GALNT13: variants seen among roughly 807,000 people sequenced by gnomAD.
The protein encoded by GALNT13 is polypeptide N-acetylgalactosaminyltransferase 13, also known as UDP-GalNAc:polypeptide N-acetylgalactosaminyltransferase 13.
A neutral mutation model predicts 64.2 loss-of-function variants in GALNT13; 28 were observed. That is an observed-to-expected ratio of 0.44 (90% CI 0.32 to 0.60). GALNT13 has a LOEUF of 0.60. GALNT13 is among the 20% of genes least tolerant of loss of function. The pLI, the probability that GALNT13 is intolerant of heterozygous loss-of-function variation, is 0.05. For synonymous variants in GALNT13, 214 were observed against 224.6 expected, an observed-to-expected ratio of 0.95 and a Z score of 0.42; for missense variants, 577 against 669.8, an observed-to-expected ratio of 0.86 and a Z score of 1.53.
Position 154,140,362 on chromosome 2 carries a change from G to A in GALNT13, c.168G>A (p.Gly56=), listed in dbSNP as rs199518809. Residue 56 remains glycine (G), a synonymous_variant, in exon 4 of 13, where the codon GGG becomes GGA. Transcript: ENST00000392825. ...CTGTTATTTCAAGAAACCAAGAAGG[G>A]CCAGGAGAAATGGGAAAAGCTGTGT... The part of the protein sequence containing the change: ...LRAVISRNQE[G]PGEMGKAVLI... 1.2e-6 allele frequency: 2 copies of A among 1,612,886 alleles called. No homozygotes were observed. Among genetic ancestry groups the A allele is most frequent in the East Asian group, 2.2e-5 (1 of 44,768 alleles).
At chr2:153,374,057 A>C in the GALNT13 span, among the ~76,000 whole-genome samples, 1 of 152,216 alleles carries the variant, frequency 6.6e-6, no homozygotes, top group Non-Finnish European at 1.5e-5. Flanking sequence ...AGTTGTGAAT[A>C]ACACTGTTTA....
rs116285639 is a variant in GALNT13 at position 154,260,298 on chromosome 2, C to T, written c.975+1160C>T. Reference sequence around the variant, plus strand: ...GTTTAAAAATTATGCCTTTTAATTTCTCATTTCAAAAGTAAAGTTTGTTTT... The same window carrying T: ...GTTTAAAAATTATGCCTTTTAATTTTTCATTTCAAAAGTAAAGTTTGTTTT... On this transcript the variant is annotated intron_variant, in intron 8 of 12. Coordinates refer to ENST00000392825, the MANE Select transcript of GALNT13 (RefSeq NM_052917.4). 7.6e-3 allele frequency among the ~76,000 whole-genome samples: 1,150 copies of T among 152,172 alleles called. 18 individuals are homozygous for T. The highest frequency in any genetic ancestry group is 0.025 in the African/African-American group (1,049 of 41,538).
chr2:154,300,099 C>CT (rs368475927), intron 8 of GALNT13, among the ~76,000 whole-genome samples: 28,812 of 116,908 alleles, frequency 0.25, 4,193 homozygotes, highest in Middle Eastern at 0.34. Flanking sequence ...TTCTTTCTCT[C>CT]TTTTTTTTTT....
chr2:153,366,085 T>C, the GALNT13 span, among the ~76,000 whole-genome samples: 1 of 152,136 alleles, frequency 6.6e-6, no homozygotes, highest in East Asian at 1.9e-4. Flanking sequence ...GGTCATGTCC[T>C]TTGCAGGTAC....
At chr2:153,212,293 A>C in the GALNT13 span, among the ~76,000 whole-genome samples, 1 of 152,198 alleles carries the variant, frequency 6.6e-6, no homozygotes, top group African/African-American at 2.4e-5. Flanking sequence ...AAAATCCTCT[A>C]ATGCCAGCTT....
chr2:154,058,110 A>G (rs532159810), intron 3 of GALNT13, among the ~76,000 whole-genome samples: 37 of 152,142 alleles, frequency 2.4e-4, no homozygotes, highest in Non-Finnish European at 5.0e-4. Flanking sequence ...GTTAAATGAG[A>G]TTATAAGTGT....
the GALNT13 span, among the ~76,000 whole-genome samples, chr2:153,144,311 C>G: frequency 6.6e-6 from 1 of 151,954 alleles, no homozygotes; most frequent in Admixed American, 6.6e-5. Flanking sequence ...GCTGTGTAAG[C>G]TCAGGAAATT....
At chr2:153,250,686 A>G in the GALNT13 span, among the ~76,000 whole-genome samples, 2 of 152,196 alleles carry the variant, frequency 1.3e-5, no homozygotes, top group Admixed American at 1.3e-4. Flanking sequence ...ATACACCATG[A>G]AATATTATAC....
At chr2:153,760,999 T>TA in the GALNT13 span, among the ~76,000 whole-genome samples, 1 of 152,152 alleles carries the variant, frequency 6.6e-6, no homozygotes, top group African/African-American at 2.4e-5. Context: ...TATCTTTTTT[T>TA]ACTGTGTTTG....
chr2:153,273,916 A>C, the GALNT13 span, among the ~76,000 whole-genome samples: 2 of 152,210 alleles, frequency 1.3e-5, no homozygotes, highest in African/African-American at 4.8e-5. Flanking sequence ...AAATGTCAGA[A>C]ATATTTTCCT....
intron 9 of GALNT13, among the ~76,000 whole-genome samples, chr2:154,319,274 G>A (rs1694493187): frequency 6.6e-6 from 1 of 152,114 alleles, no homozygotes; most frequent in Admixed American, 6.6e-5. Flanking sequence ...TAGGGAAAAT[G>A]AATACTAATA....
At chr2:153,101,895 T>C in the GALNT13 span, among the ~76,000 whole-genome samples, 1 of 152,246 alleles carries the variant, frequency 6.6e-6, no homozygotes, top group Non-Finnish European at 1.5e-5. Flanking sequence ...GAAGTAACTA[T>C]TATTAGGAAT....
chr2:153,843,162 T>C, the GALNT13 span, among the ~76,000 whole-genome samples: 1 of 152,180 alleles, frequency 6.6e-6, no homozygotes, highest in African/African-American at 2.4e-5. Flanking sequence ...GGGTAATTTA[T>C]AATGAAAAGA....
At chr2:153,881,471 A>C (rs1052550934) in intron 1 of GALNT13, among the ~76,000 whole-genome samples, 1 of 151,506 alleles carries the variant, frequency 6.6e-6, no homozygotes, top group Non-Finnish European at 1.5e-5. Context: ...TTGTGCACTA[A>C]AGTTGAGATG....
At chr2:154,216,999 C>A (rs1688084075) in intron 4 of GALNT13, among the ~76,000 whole-genome samples, 1 of 150,882 alleles carries the variant, frequency 6.6e-6, no homozygotes, top group Non-Finnish European at 1.5e-5. Flanking sequence ...TGCTGTGTTG[C>A]CCAGGCTTGT....
At chr2:153,771,660 A>C in the GALNT13 span, among the ~76,000 whole-genome samples, 1 of 152,144 alleles carries the variant, frequency 6.6e-6, no homozygotes, top group Non-Finnish European at 1.5e-5. Context: ...AGGAAAAAGG[A>C]GGGGCACCTC....
chr2:154,030,853 C>T (rs1698289833), intron 3 of GALNT13, among the ~76,000 whole-genome samples: 1 of 152,094 alleles, frequency 6.6e-6, no homozygotes, highest in Non-Finnish European at 1.5e-5. Flanking sequence ...AGTCATGCTT[C>T]CTGTCAAGCC....
At chr2:153,437,871 G>A in the GALNT13 span, among the ~76,000 whole-genome samples, 1 of 152,190 alleles carries the variant, frequency 6.6e-6, no homozygotes, top group African/African-American at 2.4e-5. Context: ...CTGTCATTAT[G>A]ATGTTAGCTA....
the GALNT13 span, among the ~76,000 whole-genome samples, chr2:153,387,925 T>C: frequency 4.6e-5 from 7 of 151,860 alleles, no homozygotes; most frequent in African/African-American, 1.7e-4. Context: ...AGGTAGCCCA[T>C]GGGAGGAAAT....
Sources: allele counts gnomAD v4.1 joint callset (sites outside exome capture counted in the v4.1 genomes callset), GRCh38; gene constraint gnomAD v4.1.1; transcripts MANE v1.5; gene names NCBI Gene and HGNC (gene_info 2026-07-23, HGNC 2026-07-21).